The following CCNG2 variants were observed in gnomAD, a reference collection of about 807,000 sequenced individuals.
CCNG2 encodes the protein cyclin-G2.
In CCNG2, 20 loss-of-function variants were observed where a neutral mutation model predicts 36.5. The observed-to-expected ratio is 0.55, with a 90% confidence interval of 0.39 to 0.80. The LOEUF (loss-of-function observed/expected upper bound fraction) is 0.80. Ranked by LOEUF, CCNG2 falls within the 30% of genes least tolerant of loss-of-function variation. The pLI, the probability that CCNG2 is intolerant of heterozygous loss-of-function variation, is 0.00. For synonymous variants in CCNG2, 155 were observed against 140.1 expected (o/e 1.11, Z -0.75); for missense variants, 358 against 390.8 (o/e 0.92, Z 0.71).
In CCNG2 at chr4:77,164,281, A is replaced by C. The variant is rs753219931; in HGVS notation, c.713A>C (p.Asp238Ala). Residue 238 changes from aspartate to alanine, a missense_variant, in exon 7 of 8, where the codon GAC becomes GCC. Physicochemically the swap from Asp to Ala is moderately radical, Grantham distance 126. Transcript: ENST00000316355. The part of the protein sequence containing the change: ...LLVKKHSKIN[D>A]TEFFYWRELV... ...AAAATATTTTTTTTTCAGATTAATG[A>C]CACTGAGTTCTTCTACTGGAGAGAG... 1 of 1,612,830 alleles carries C rather than the reference A, an allele frequency of 6.2e-7. No individual in the cohort carries two copies. The highest frequency in any genetic ancestry group is 1.1e-5 in the South Asian group (1 of 91,042).
rs767374092 is a variant in CCNG2 at position 77,167,521 on chromosome 4, C to T, written c.*1597C>T. On this transcript the variant is annotated 3_prime_UTR_variant, in exon 8 of 8. Transcript: ENST00000316355. The stretch of plus-strand genomic sequence containing the variant: ...GAATGCTCAGGTTGGCAGATTAGAA[C>T]GATCTTTCAGGAGACAAAGCAAGTT... 1 of 152,122 alleles carries T rather than the reference C, an allele frequency of 6.6e-6. No homozygotes were observed. Among genetic ancestry groups the T allele is most frequent in the African/African-American group, 2.4e-5 (1 of 41,412 alleles). 9.4% of individuals were successfully genotyped at this position (152,122 alleles called of 1,614,324 possible).
At chr4:77,158,697 T>C in intron 2 of CCNG2, 27 bp downstream of exon 2, 2 of 1,613,376 alleles carry the variant, frequency 1.2e-6, no homozygotes, top group Non-Finnish European at 8.5e-7. Flanking sequence ...GATAACTTGC[T>C]CAAGCAGCTG....
At chr4:77,158,983 C>T (rs1040706566) in intron 2 of CCNG2, among the ~76,000 whole-genome samples, 3 of 152,188 alleles carry the variant, frequency 2.0e-5, no homozygotes, top group Non-Finnish European at 4.4e-5. Flanking sequence ...GTGCAAACAC[C>T]CTCTGCCTGT....
At chr4:77,158,147 T>A in intron 1 of CCNG2, 2 of 185,824 alleles carry the variant, frequency 1.1e-5, no homozygotes, top group Non-Finnish European at 2.2e-5. Flanking sequence ...CAACACCCCA[T>A]CCCCGGGACC....
intron 6 of CCNG2, among the ~76,000 whole-genome samples, chr4:77,162,557 A>AT (rs1216989236): frequency 6.6e-6 from 1 of 151,472 alleles, no homozygotes; most frequent in Non-Finnish European, 1.5e-5. Flanking sequence ...TAATTTTTAT[A>AT]TTTTTGGTAG....
At chr4:77,160,634 T>G in intron 3 of CCNG2, 87 bp from the exon 4 acceptor site, 2 of 1,324,736 alleles carry the variant, frequency 1.5e-6, no homozygotes, top group Non-Finnish European at 2.1e-6. Flanking sequence ...TGTTCTGTCT[T>G]AAGAATAGGA....
Position 77,160,808 on chromosome 4 carries a change from A to G in CCNG2, c.364A>G (p.Thr122Ala). 6.2e-7 allele frequency: 1 copy of G among 1,613,812 alleles called. No homozygotes were observed. Among genetic ancestry groups the G allele is most frequent in the South Asian group, 1.1e-5 (1 of 91,076 alleles). ...IVEEDCNIPS[T>A]HDVIRISQCK... ...TGAAGAAGACTGCAATATTCCATCC[A>G]CTCATGATGTGATCCGGATTAGTCA... is the stretch of plus-strand genomic sequence containing the variant. Residue 122 changes from threonine (T) to alanine (A), a missense_variant, in exon 4 of 8, where the codon ACT (threonine) becomes GCT (alanine). Physicochemically the swap from Thr to Ala is moderately conservative, Grantham distance 58. Transcript: ENST00000316355.
chr4:77,165,529 A>G (rs1338990692), intron 7 of CCNG2, among the ~76,000 whole-genome samples: 4 of 150,832 alleles, frequency 2.7e-5, no homozygotes, highest in African/African-American at 7.3e-5. Context: ...CTAGTCTTGA[A>G]CTCCTGGGAT....
chr4:77,159,323 G>A, intron 2 of CCNG2, 44 bp from the exon 3 acceptor site: 1 of 1,573,134 alleles, frequency 6.4e-7, no homozygotes, highest in Non-Finnish European at 8.6e-7. Flanking sequence ...TTTTCATCTG[G>A]TTCTAAGAAA....
rs1358799292 is a variant in CCNG2 at position 77,157,251 on chromosome 4, G to C, written c.-256G>C. ...GGCTCGGGGAGGTTTCCGCTGAGGC[G>C]GCGGGGGTGCGGCGGTGGGCTGGTC... On this transcript the variant is annotated 5_prime_UTR_variant, in exon 1 of 8. Transcript: ENST00000316355. 2 of 152,352 alleles carry C rather than the reference G, an allele frequency of 1.3e-5. No individual in the cohort carries two copies. The allele number at this position is 152,352 out of a possible 1,614,324, so 9.4% of individuals were successfully genotyped here.
intron 3 of CCNG2, 95 bp downstream of exon 3, chr4:77,159,599 C>T (rs372051598): frequency 1.1e-5 from 13 of 1,155,700 alleles, no homozygotes; most frequent in Middle Eastern, 2.5e-4. Context: ...GGTATAATAA[C>T]GTCCACTGTA....
At chr4:77,160,659 T>C (rs1243590559) in intron 3 of CCNG2, 62 bp from the exon 4 acceptor site, 2 of 1,528,524 alleles carry the variant, frequency 1.3e-6, no homozygotes, top group African/African-American at 2.8e-5. Flanking sequence ...CATTACAATA[T>C]TCTAAGTATC....
Position 77,158,678 on chromosome 4 carries a change from G to C in CCNG2, c.138+8G>C. 1 of 1,613,836 alleles carries C rather than the reference G, an allele frequency of 6.2e-7. No homozygotes were observed. ...ATTGAGGCTACCCCGGAGGTAAGTT[G>C]GCAGAAAAGATAACTTGCTCAAGCA... is the stretch of plus-strand genomic sequence containing the variant. On this transcript the variant is annotated splice_region_variant and intron_variant, in intron 2 of 7. Coordinates refer to ENST00000316355, the MANE Select transcript of CCNG2 (RefSeq NM_004354.3).
chr4:77,165,989 A>G lies in CCNG2; in HGVS notation c.*65A>G, dbSNP rs978224953. 9.4e-5 allele frequency: 140 copies of G among 1,490,272 alleles called. 1 individual carries two copies. In the Admixed American group the frequency reaches 2.8e-3, roughly 30 times the overall value. 92.3% of individuals were successfully genotyped at this position (1,490,272 alleles called of 1,614,324 possible). On this transcript the variant is annotated 3_prime_UTR_variant, in exon 8 of 8. Coordinates refer to ENST00000316355, the MANE Select transcript of CCNG2 (RefSeq NM_004354.3). ...CAAAGCAATAAATGGGGGAATAGGTAGTTTCCTGGTTTAGCCCCCATCTAG... is the reference window on the plus strand; with the variant it reads ...CAAAGCAATAAATGGGGGAATAGGTGGTTTCCTGGTTTAGCCCCCATCTAG...
intron 2 of CCNG2, 140 bp from the exon 3 acceptor site, chr4:77,159,227 T>G (rs1731359859): frequency 1.5e-6 from 1 of 678,700 alleles, no homozygotes; most frequent in African/African-American, 1.8e-5. Flanking sequence ...TACCACTCTT[T>G]CCACCTATAT....
At chr4:77,160,676 G>A (rs1299251715) in intron 3 of CCNG2, 45 bp from the exon 4 acceptor site, 1 of 1,591,084 alleles carries the variant, frequency 6.3e-7, no homozygotes, top group South Asian at 1.1e-5. Flanking sequence ...TATCTGCTAA[G>A]TCAAAGTGAC....
At position 77,164,326 on chromosome 4, in the gene CCNG2, C is replaced by T. The variant is rs745457256; in HGVS notation, c.758C>T (p.Ala253Val). Reference protein sequence around the residue: ...YWRELVSKCLAEYSSPECCKP... With the variant: ...YWRELVSKCLVEYSSPECCKP... Reference sequence around the variant, plus strand: ...AGAGAGTTGGTTTCTAAATGCCTAGCCGAGTATTCTTCTCCTGAATGTTGC... The same window carrying T: ...AGAGAGTTGGTTTCTAAATGCCTAGTCGAGTATTCTTCTCCTGAATGTTGC... The change falls in exon 7 of 8, where the codon GCC (alanine) becomes GTC (valine). Residue 253 changes from alanine to valine, a missense_variant. Physicochemically the swap from Ala to Val is moderately conservative, Grantham distance 64. Coordinates refer to ENST00000316355, the MANE Select transcript of CCNG2 (RefSeq NM_004354.3). The T allele has an allele frequency of 5.0e-5, 80 of 1,613,786 alleles. No individual in the cohort carries two copies. Among genetic ancestry groups the T allele is most frequent in the Non-Finnish European group, 6.4e-5 (76 of 1,179,956 alleles).
chr4:77,165,235 C>A (rs1031972222), intron 7 of CCNG2, among the ~76,000 whole-genome samples: 1 of 152,122 alleles, frequency 6.6e-6, no homozygotes, highest in Non-Finnish European at 1.5e-5. Context: ...TATAATAAAT[C>A]ACTGATGCAA....
intron 6 of CCNG2, among the ~76,000 whole-genome samples, chr4:77,162,027 T>C (rs1025476726): frequency 6.6e-6 from 1 of 152,222 alleles, no homozygotes; most frequent in Non-Finnish European, 1.5e-5. Context: ...TTGCCACATA[T>C]GCATTGTTCT....
Sources: allele counts gnomAD v4.1 joint callset (sites outside exome capture counted in the v4.1 genomes callset), GRCh38; gene constraint gnomAD v4.1.1; transcripts MANE v1.5; gene names NCBI Gene and HGNC (gene_info 2026-07-23, HGNC 2026-07-21).